Variants in WASHC2A observed in about 807,000 individuals in gnomAD.
WASHC2A encodes WASH complex subunit FAM21A.
Under a neutral mutation model 140.3 loss-of-function variants are expected in WASHC2A, and 82 were observed. The observed-to-expected ratio is 0.58, with a 90% CI of 0.49 to 0.70. The LOEUF (loss-of-function observed/expected upper bound fraction) is 0.70, where lower values mean the gene tolerates loss of function less well. Ranked by LOEUF, WASHC2A falls within the 30% of genes least tolerant of loss-of-function variation. The probability of loss-of-function intolerance (pLI) is 0.00; values close to 1 mark genes in which losing one functional copy is unlikely to be tolerated. For synonymous variants in WASHC2A, 340 were observed against 560.8 expected, an observed-to-expected ratio of 0.61 and a Z score of 5.56; for missense variants, 985 against 1,521.8, an observed-to-expected ratio of 0.65 and a Z score of 5.87.
chr10:50,069,593 C>T lies in WASHC2A; in HGVS notation c.173C>T (p.Thr58Ile), dbSNP rs781884898. 6.2e-7 allele frequency: 1 copy of T among 1,613,844 alleles called. No individual in the cohort carries two copies. The highest frequency in any genetic ancestry group is 1.1e-5 in the South Asian group (1 of 91,068). ...QEFSQQTISR[T>I]HEIKKQVDGL... is the part of the protein sequence containing the mutation. ...TTCTCACAGCAAACTATCTCTAGGA[C>T]CCATGAAATCAAGAAACAAGTGGAC... The change falls in exon 3 of 31, where the codon ACC (threonine) becomes ATC (isoleucine). Residue 58 changes from threonine to isoleucine, a missense_variant. Physicochemically the swap from Thr to Ile is moderately conservative, Grantham distance 89 (BLOSUM62 -1). Coordinates refer to ENST00000282633, the MANE Select transcript of WASHC2A (RefSeq NM_001005751.3).
chr10:50,081,734 G>A (rs1838903628), intron 5 of WASHC2A, among the ~76,000 whole-genome samples: 1 of 151,752 alleles, frequency 6.6e-6, no homozygotes, highest in Non-Finnish European at 1.5e-5. Context: ...CTGGGTTCAA[G>A]CGATTCTCCT....
intron 20 of WASHC2A, among the ~76,000 whole-genome samples, chr10:50,110,781 T>C (rs1266191320): frequency 4.8e-4 from 72 of 149,352 alleles, no homozygotes; most frequent in African/African-American, 1.7e-3. Context: ...TAGTCCCAGC[T>C]ACTTGGGAGG....
chr10:50,068,667 G>A (rs2132285217), intron 2 of WASHC2A, among the ~76,000 whole-genome samples: 1 of 149,404 alleles, frequency 6.7e-6, no homozygotes, highest in East Asian at 1.9e-4. Context: ...GAATAAGAGT[G>A]GTGGTTGATT....
intron 13 of WASHC2A, among the ~76,000 whole-genome samples, 178 bp downstream of exon 13, chr10:50,094,095 A>C (rs555968372): frequency 3.3e-5 from 5 of 152,170 alleles, no homozygotes; most frequent in African/African-American, 1.2e-4. Context: ...CTTGGAAAAA[A>C]CAGTACCATC....
Position 50,117,954 on chromosome 10 carries a change from G to A in WASHC2A, c.2191G>A (p.Glu731Lys), listed in dbSNP as rs576645525. The change falls in exon 22 of 31, where the codon GAA (glutamate) becomes AAA (lysine). Residue 731 changes from glutamate to lysine, a missense_variant. Physicochemically the swap from Glu to Lys is moderately conservative, Grantham distance 56 (BLOSUM62 1). Coordinates refer to ENST00000282633, the MANE Select transcript of WASHC2A (RefSeq NM_001005751.3). Reference protein sequence around the residue: ...EAPPLLFSDEEEKEAQLGVKS... With the variant: ...EAPPLLFSDEKEKEAQLGVKS... ...ACCACCTTTGCTGTTCAGCGATGAA[G>A]AAGAGAAGGAGGCACAACTTGGAGT... The A allele has an allele frequency of 2.1e-5, 33 of 1,575,206 alleles. No homozygotes were observed. In the African/African-American group the frequency reaches 3.0e-4, roughly 14 times the overall value.
intron 28 of WASHC2A, 141 bp downstream of exon 28, chr10:50,127,936 C>T (rs1843584097): frequency 6.4e-7 from 1 of 1,553,096 alleles, no homozygotes; most frequent in Non-Finnish European, 8.7e-7. Context: ...TCAGCCACTC[C>T]CCACTCCATT....
At chr10:50,127,362 C>G in intron 27 of WASHC2A, 140 bp downstream of exon 27, 10 of 1,549,190 alleles carry the variant, frequency 6.5e-6, no homozygotes, top group Non-Finnish European at 8.9e-6. Flanking sequence ...GTTGTTGTCT[C>G]CTGTGTGCTG....
intron 3 of WASHC2A, among the ~76,000 whole-genome samples, chr10:50,072,538 G>A (rs1441616031): frequency 7.3e-6 from 1 of 137,084 alleles, no homozygotes; most frequent in African/African-American, 2.7e-5. Flanking sequence ...CCAGACTGGA[G>A]TGCAGTGGTG....
intron 3 of WASHC2A, among the ~76,000 whole-genome samples, chr10:50,070,271 A>AT (rs1837683986): frequency 6.6e-6 from 1 of 152,182 alleles, no homozygotes; most frequent in Admixed American, 6.5e-5. Flanking sequence ...ATACATAGGT[A>AT]AATTAGATAG....
chr10:50,082,773 A>G lies in WASHC2A; in HGVS notation c.529-1299A>G, dbSNP rs1457203347. On this transcript the variant is annotated intron_variant, in intron 5 of 30. Coordinates refer to ENST00000282633, the MANE Select transcript of WASHC2A (RefSeq NM_001005751.3). The stretch of plus-strand genomic sequence containing the variant: ...GGGATTACAGGTGGGAGCTACTGCA[A>G]CCGACCAACCCTAAATTTTTAATGT... Among the ~76,000 whole-genome samples the G allele has an allele frequency of 1.1e-4, 16 of 145,988 alleles. No homozygotes were observed. The East Asian group carries it at 1.6e-3, about 14-fold the overall frequency.
chr10:50,128,290 G>A (rs1843624904), intron 28 of WASHC2A, among the ~76,000 whole-genome samples: 1 of 152,108 alleles, frequency 6.6e-6, no homozygotes, highest in African/African-American at 2.4e-5. Flanking sequence ...CACATGGTCT[G>A]TTCTGCTGCT....
chr10:50,097,844 C>T (rs1414519537), intron 16 of WASHC2A, 42 bp downstream of exon 16: 24 of 1,611,292 alleles, frequency 1.5e-5, no homozygotes, highest in Admixed American at 1.2e-4. Flanking sequence ...ATTGATCTGC[C>T]GCATTTTAAT....
Position 50,090,868 on chromosome 10 carries a change from T to G in WASHC2A, c.825T>G (p.Ile275Met). ...SEKEEEDIED[I>M]EENTRPKRSR... is the part of the protein sequence containing the mutation. ...AGGAGGAGGAAGATATTGAGGACAT[T>G]GAAGAAAATACTAGACCTGTAAGGA... The change falls in exon 9 of 31, where the codon ATT becomes ATG. Residue 275 changes from isoleucine to methionine, a missense_variant. Transcript: ENST00000282633. The G allele has an allele frequency of 6.2e-7, 1 of 1,611,482 alleles. No homozygotes were observed. Among genetic ancestry groups the G allele is most frequent in the Non-Finnish European group, 8.5e-7 (1 of 1,179,750 alleles).
chr10:50,098,541 T>C (rs2596972), intron 16 of WASHC2A, among the ~76,000 whole-genome samples: 73,636 of 84,200 alleles, frequency 0.87, 32,903 homozygotes, highest in South Asian at 0.98. Flanking sequence ...TCCTGCTGTG[T>C]GGCCCGGCTT....
At chr10:50,070,098 T>C (rs1203884783) in intron 3 of WASHC2A, among the ~76,000 whole-genome samples, 1 of 152,202 alleles carries the variant, frequency 6.6e-6, no homozygotes, top group Non-Finnish European at 1.5e-5. Context: ...GGTCATTCTG[T>C]TCTGATAAAT....
intron 9 of WASHC2A, 98 bp from the exon 10 acceptor site, chr10:50,091,333 A>G: frequency 1.4e-6 from 2 of 1,417,866 alleles, no homozygotes; most frequent in Middle Eastern, 2.4e-4. Context: ...CCTCAGTTCA[A>G]TTTCTTTGCT....
At chr10:50,090,168 A>G (rs1554882275) in intron 8 of WASHC2A, among the ~76,000 whole-genome samples, 1 of 151,946 alleles carries the variant, frequency 6.6e-6, no homozygotes, top group African/African-American at 2.4e-5. Context: ...ATATTTTAAT[A>G]TTCTGCTTTT....
intron 17 of WASHC2A, among the ~76,000 whole-genome samples, chr10:50,101,043 G>A (rs1286500143): frequency 1.3e-5 from 2 of 152,308 alleles, no homozygotes; most frequent in African/African-American, 2.4e-5. Flanking sequence ...AGATTAGGCT[G>A]TCATGGTTGG....
chr10:50,079,837 A>G (rs1838733033), intron 4 of WASHC2A, among the ~76,000 whole-genome samples: 1 of 151,870 alleles, frequency 6.6e-6, no homozygotes, highest in Non-Finnish European at 1.5e-5. Flanking sequence ...TATATTTCAT[A>G]CACATTTTCA....
Sources: gnomAD v4.1 joint callset for allele counts (sites outside exome capture counted in the v4.1 genomes callset) on GRCh38, gnomAD v4.1.1 for gene constraint, MANE v1.5 for transcripts, NCBI Gene and HGNC (gene_info 2026-07-23, HGNC 2026-07-21) for gene names.